The following EP400 variants were observed in gnomAD, a reference collection of about 807,000 sequenced individuals.
EP400 encodes the protein E1A binding protein p400, also known as E1A-binding protein p400.
In EP400, 105 loss-of-function variants were observed where a neutral mutation model predicts 354.1. That is an observed-to-expected ratio of 0.30 (90% confidence interval 0.25 to 0.35). The LOEUF is 0.35. EP400 is among the 10% of genes least tolerant of loss of function. The pLI is 1.00. For synonymous variants in EP400, 1,646 were observed against 1,716.9 expected (o/e 0.96, Z 1.02); for missense variants, 3,280 against 4,121.0 (o/e 0.80, Z 5.59).
At chr12:131,989,830 G>A (rs1892971698) in intron 7 of EP400, 134 bp from the exon 8 acceptor site, 2 of 969,394 alleles carry the variant, frequency 2.1e-6, no homozygotes, top group Non-Finnish European at 3.0e-6. Flanking sequence ...TCCACCCTAA[G>A]AGCATACGAG....
At chr12:132,043,224 C>T in intron 32 of EP400, 80 bp from the exon 33 acceptor site, 1 of 1,499,616 alleles carries the variant, frequency 6.7e-7, no homozygotes. Flanking sequence ...TCTCCATTAA[C>T]TTTACATGGG....
At chr12:132,033,207 C>T (rs11246904) in intron 30 of EP400, among the ~76,000 whole-genome samples, 33,536 of 152,108 alleles carry the variant, frequency 0.22, 4,830 homozygotes, top group Non-Finnish European at 0.33. Context: ...CTTGGCCTCC[C>T]AAAGTGCTGG....
intron 1 of EP400, among the ~76,000 whole-genome samples, chr12:131,950,803 G>T (rs1381927995): frequency 6.6e-6 from 1 of 152,246 alleles, no homozygotes; most frequent in African/African-American, 2.4e-5. Context: ...GCCCAGGTTG[G>T]CGTGCAGTGG....
At position 132,077,496 on chromosome 12, in the gene EP400, G is replaced by A; in HGVS notation, c.9195G>A (p.Gln3065=). 1 of 1,613,728 alleles carries A rather than the reference G, an allele frequency of 6.2e-7. No homozygotes were observed. The highest frequency in any genetic ancestry group is 1.1e-5 in the South Asian group (1 of 91,090). The part of the protein sequence containing the change: ...PAVTATAQVV[Q]QKLIQQQVVT... ...TGACCGCGACTGCCCAGGTGGTTCA[G>A]CAGAAACTCATTCAGCAGCAGGTGG... The change falls in exon 53 of 53, where the codon CAG becomes CAA. Residue 3065 remains glutamine, a synonymous_variant. Transcript: ENST00000389561.
In EP400 at chr12:132,053,591, C is replaced by G. The variant is rs371577496; in HGVS notation, c.7722C>G (p.Ala2574=). 3 of 1,546,106 alleles carry G rather than the reference C, an allele frequency of 1.9e-6. No homozygotes were observed. Among genetic ancestry groups the G allele is most frequent in the Non-Finnish European group, 2.6e-6 (3 of 1,150,380 alleles). Residue 2574 remains alanine (A), a synonymous_variant, in exon 43 of 53, where the codon GCC becomes GCG. Transcript: ENST00000389561. ...CAATCACGACGGGGGGCAGTGCAGC[C>G]GTACTGGTGAGCAGGGGCCTCCTCC... ...QPAITTGGSA[A]VLAGTIKTSV... is the part of the protein sequence containing the mutation.
At chr12:131,968,019 T>C (rs964022736) in intron 2 of EP400, among the ~76,000 whole-genome samples, 1 of 152,214 alleles carries the variant, frequency 6.6e-6, no homozygotes, top group Non-Finnish European at 1.5e-5. Context: ...GTCAGCTACA[T>C]GTTTTGCAAG....
chr12:132,014,037 G>A (rs73162984), intron 19 of EP400, 124 bp downstream of exon 19: 57,686 of 1,330,066 alleles, frequency 0.043, 1,531 homozygotes, highest in Non-Finnish European at 0.053. Context: ...GCTGGAGACC[G>A]AGGCACCCTC....
intron 32 of EP400, among the ~76,000 whole-genome samples, chr12:132,042,914 G>T: frequency 6.6e-6 from 1 of 152,228 alleles, no homozygotes; most frequent in East Asian, 1.9e-4. Context: ...CCTCTGTCCT[G>T]CTGTGTCTGT....
chr12:131,965,644 C>T (rs953548837), intron 2 of EP400, among the ~76,000 whole-genome samples: 1 of 152,210 alleles, frequency 6.6e-6, no homozygotes, highest in African/African-American at 2.4e-5. Flanking sequence ...CCCTTCACGC[C>T]TCCCTTGACC....
At chr12:132,003,199 A>G (rs1893475332) in intron 12 of EP400, among the ~76,000 whole-genome samples, 1 of 151,614 alleles carries the variant, frequency 6.6e-6, no homozygotes, top group East Asian at 1.9e-4. Flanking sequence ...TATTAAAAAA[A>G]AAAAAAACAG....
At chr12:131,960,072 G>C (rs1431273310) in intron 1 of EP400, among the ~76,000 whole-genome samples, 1 of 152,236 alleles carries the variant, frequency 6.6e-6, no homozygotes, top group Admixed American at 6.5e-5. Context: ...CCTGGGCTCT[G>C]GGCAGCTGGG....
Position 131,997,483 on chromosome 12 carries a change from T to G in EP400, c.2827+2527T>G, listed in dbSNP as rs1159540300. ...GGATTTCAGGCTAGTCTCAAACTCC[T>G]GGGCTCAAGCGAGCCTCCCATCTTG... is the stretch of plus-strand genomic sequence containing the variant. On this transcript the variant is annotated intron_variant, in intron 12 of 52. Transcript: ENST00000389561. Among the ~76,000 whole-genome samples the G allele has an allele frequency of 2.6e-5, 4 of 152,114 alleles. No individual in the cohort carries two copies. In the East Asian group the frequency reaches 7.7e-4, roughly 29 times the overall value.
At chr12:132,014,919 C>A (rs146294326) in intron 19 of EP400, among the ~76,000 whole-genome samples, 2 of 152,184 alleles carry the variant, frequency 1.3e-5, no homozygotes, top group Admixed American at 1.3e-4. Flanking sequence ...CCACACCCCA[C>A]CCCCCGTCCT....
At position 132,018,099 on chromosome 12, in the gene EP400, G is replaced by A; in HGVS notation, c.4111-111G>A. 1 of 1,353,516 alleles carries A rather than the reference G, an allele frequency of 7.4e-7. No individual in the cohort carries two copies. The highest frequency in any genetic ancestry group is 2.3e-4 in the Middle Eastern group (1 of 4,324). 83.8% of individuals were successfully genotyped at this position (1,353,516 alleles called of 1,614,324 possible). A position where few individuals can be genotyped will look rare whatever the true frequency, so the allele number is the denominator to read the frequency against. ...TCTGCTTGCCGAGTGGCCGTTAGAGGGGGCGCGTCTGGATGCCCACGTTAG... is the reference window on the plus strand; with the variant it reads ...TCTGCTTGCCGAGTGGCCGTTAGAGAGGGCGCGTCTGGATGCCCACGTTAG... On this transcript the variant is annotated intron_variant, in intron 20 of 52. Transcript: ENST00000389561. The surrounding 1 kb of genome is among the most constrained non-coding windows in gnomAD (Gnocchi z 4.0).
At chr12:132,064,924 TCTTTTTATGTTTTAACACAG>T (rs1171029324) in intron 48 of EP400, 38 bp downstream of exon 48, 1 of 1,558,988 alleles carries the variant, frequency 6.4e-7, no homozygotes, top group East Asian at 2.4e-5. Flanking sequence ...AAAAGCAGCA[TCTTTTTATGTTTTAACACAG>T]CTGTTGCGCT....
intron 7 of EP400, among the ~76,000 whole-genome samples, 161 bp downstream of exon 7, chr12:131,988,051 C>T (rs1190518938): frequency 6.8e-6 from 1 of 146,016 alleles, no homozygotes; most frequent in Non-Finnish European, 1.5e-5. Context: ...CTGGAATGTC[C>T]AGCTAATTTT....
At chr12:132,033,069 C>G (rs1894577872) in intron 30 of EP400, among the ~76,000 whole-genome samples, 1 of 151,980 alleles carries the variant, frequency 6.6e-6, no homozygotes, top group Non-Finnish European at 1.5e-5. Context: ...CGCCTCAGCC[C>G]CCCGAGGAGC....
intron 16 of EP400, 50 bp downstream of exon 16, chr12:132,011,684 T>A: frequency 1.3e-6 from 2 of 1,554,884 alleles, no homozygotes; most frequent in Non-Finnish European, 1.7e-6. Flanking sequence ...GCCATGTTAA[T>A]TTTTATAAAA....
At chr12:131,977,595 A>G (rs969382774) in intron 2 of EP400, among the ~76,000 whole-genome samples, 1 of 151,910 alleles carries the variant, frequency 6.6e-6, no homozygotes, top group Non-Finnish European at 1.5e-5. Context: ...TTAGAAACGC[A>G]CACACACACA....
Sources: allele counts gnomAD v4.1 joint callset (sites outside exome capture counted in the v4.1 genomes callset), GRCh38; gene constraint gnomAD v4.1.1; non-coding constraint Gnocchi (gnomAD v3.1); transcripts MANE v1.5; gene names NCBI Gene and HGNC (gene_info 2026-07-23, HGNC 2026-07-21).